Variants in NKAIN2 observed in about 807,000 individuals in gnomAD.
NKAIN2 encodes sodium/potassium-transporting ATPase subunit beta-1-interacting protein 2.
In NKAIN2, 14 loss-of-function variants were observed where a neutral mutation model predicts 32.6. That is an observed-to-expected ratio of 0.43 (90% CI 0.28 to 0.67). NKAIN2 has a LOEUF of 0.67. Among genes scored for constraint, NKAIN2 ranks in the 30% least tolerant of loss-of-function variants. NKAIN2 has a pLI of 0.17. For missense variants in NKAIN2, 198 were observed against 258.3 expected (o/e 0.77, Z 1.60); for synonymous variants, 80 against 87.2 (o/e 0.92, Z 0.46).
chr6:124,536,656 T>C (rs1045166160), intron 3 of NKAIN2, among the ~76,000 whole-genome samples: 6 of 152,182 alleles, frequency 3.9e-5, no homozygotes, highest in African/African-American at 1.4e-4. Flanking sequence ...GGGTGTTTCA[T>C]GCACTTCAAG....
intron 1 of NKAIN2, among the ~76,000 whole-genome samples, chr6:123,972,790 C>T (rs1169388170): frequency 1.3e-5 from 2 of 152,024 alleles, no homozygotes; most frequent in African/African-American, 4.8e-5. Flanking sequence ...GGAATAGATT[C>T]CCTTTCCTCC....
At chr6:124,281,995 CAG>C (rs1244280284) in intron 1 of NKAIN2, among the ~76,000 whole-genome samples, 1 of 152,104 alleles carries the variant, frequency 6.6e-6, no homozygotes, top group Non-Finnish European at 1.5e-5. Flanking sequence ...TTTCTCTGAA[CAG>C]AGAGTTTATT....
rs568598152 is a variant in NKAIN2 at position 123,959,508 on chromosome 6, T to C, written c.54+155254T>C. Reference sequence around the variant, plus strand: ...TGGTTGTTGTAAAAACAATTCTTTATGTGTCCTTGAACATGATACTTCTTC... The same window carrying C: ...TGGTTGTTGTAAAAACAATTCTTTACGTGTCCTTGAACATGATACTTCTTC... On this transcript the variant is annotated intron_variant, in intron 1 of 6. Transcript: ENST00000368417. Among the ~76,000 whole-genome samples, 5 of 152,346 alleles carry C rather than the reference T, an allele frequency of 3.3e-5. No homozygotes were observed. In the East Asian group the frequency reaches 7.7e-4, roughly 24 times the overall value.
At chr6:124,092,823 C>G (rs1784491502) in intron 1 of NKAIN2, among the ~76,000 whole-genome samples, 2 of 152,106 alleles carry the variant, frequency 1.3e-5, no homozygotes, top group African/African-American at 4.8e-5. Context: ...AAAAACATCA[C>G]CTGAATAGGG....
chr6:124,513,749 A>T (rs914163031), intron 3 of NKAIN2, among the ~76,000 whole-genome samples: 1 of 152,176 alleles, frequency 6.6e-6, no homozygotes, highest in African/African-American at 2.4e-5. Context: ...AAAGCTGAGA[A>T]CCATTTCTGC....
At chr6:124,030,513 A>T (rs1175099288) in intron 1 of NKAIN2, among the ~76,000 whole-genome samples, 3 of 152,188 alleles carry the variant, frequency 2.0e-5, no homozygotes, top group Non-Finnish European at 2.9e-5. Flanking sequence ...ATGCAAAATC[A>T]TCAGGACAAT....
In NKAIN2 at chr6:124,312,525, A is replaced by G. The variant is rs539698174; in HGVS notation, c.192+29383A>G. Among the ~76,000 whole-genome samples the G allele has an allele frequency of 5.9e-5, 9 of 152,300 alleles. No individual in the cohort carries two copies. The South Asian group carries it at 1.9e-3, about 32-fold the overall frequency. On this transcript the variant is annotated intron_variant, in intron 2 of 6. Transcript: ENST00000368417. The stretch of plus-strand genomic sequence containing the variant: ...TTTACCAGTTTATTATAAAAAGAAT[A>G]TTACAAAGAATACAGATGAAGAGAT...
chr6:124,806,758 G>A (rs932908308), intron 5 of NKAIN2, among the ~76,000 whole-genome samples: 1 of 150,998 alleles, frequency 6.6e-6, no homozygotes, highest in African/African-American at 2.4e-5. Flanking sequence ...CACATGCAGA[G>A]ACACACATAG....
intron 3 of NKAIN2, among the ~76,000 whole-genome samples, chr6:124,485,726 A>G (rs560581888): frequency 2.0e-5 from 3 of 152,222 alleles, no homozygotes; most frequent in Non-Finnish European, 4.4e-5. Context: ...ATAAAGCTCT[A>G]CCAGTGTGCA....
chr6:124,408,076 A>T (rs1773953950), intron 3 of NKAIN2, among the ~76,000 whole-genome samples: 3 of 151,830 alleles, frequency 2.0e-5, no homozygotes, highest in South Asian at 2.1e-4. Context: ...GTTTGAGTTC[A>T]TTGTAGATTC....
In NKAIN2 at chr6:124,383,043, AT is replaced by A. The variant is rs1319699705; in HGVS notation, c.273+27702del. 2.0e-5 allele frequency among the ~76,000 whole-genome samples: 3 copies of A among 152,022 alleles called. No individual in the cohort carries two copies. The East Asian group carries it at 5.8e-4, about 30-fold the overall frequency. On this transcript the variant is annotated intron_variant, in intron 3 of 6. Transcript: ENST00000368417. ...CAGGAAAGCAAGCATAGCGGTTAGC[AT>A]TTTTTCTGTACTGCTTCACTTTAAT...
chr6:124,186,228 AAGAG>A (rs1384786778), intron 1 of NKAIN2, among the ~76,000 whole-genome samples: 5 of 150,586 alleles, frequency 3.3e-5, no homozygotes, highest in African/African-American at 7.4e-5. Flanking sequence ...GAAGGAAGGA[AAGAG>A]AGAGAAAGGA....
At chr6:124,545,731 TTGA>T (rs1251707051) in intron 3 of NKAIN2, among the ~76,000 whole-genome samples, 1 of 152,028 alleles carries the variant, frequency 6.6e-6, no homozygotes, top group African/African-American at 2.4e-5. Context: ...ACTACTTTAC[TTGA>T]TGACACCGAT....
chr6:124,765,027 T>C (rs1190671109), intron 4 of NKAIN2, among the ~76,000 whole-genome samples: 2 of 152,190 alleles, frequency 1.3e-5, no homozygotes, highest in Non-Finnish European at 2.9e-5. Flanking sequence ...TTGTTTCCAC[T>C]TAAGCAATCT....
chr6:124,726,464 G>T (rs929181076), intron 4 of NKAIN2, among the ~76,000 whole-genome samples: 11 of 151,848 alleles, frequency 7.2e-5, no homozygotes, highest in Non-Finnish European at 1.3e-4. Context: ...ACCTCACACG[G>T]CAGGGTATTC....
chr6:123,833,876 C>T (rs1256828785), intron 1 of NKAIN2, among the ~76,000 whole-genome samples: 6 of 150,568 alleles, frequency 4.0e-5, no homozygotes, highest in Admixed American at 6.6e-5. Context: ...TACAGGTGTG[C>T]GCCACCATGC....
chr6:124,143,789 G>A (rs1406367364), intron 1 of NKAIN2, among the ~76,000 whole-genome samples: 1 of 152,070 alleles, frequency 6.6e-6, no homozygotes, highest in African/African-American at 2.4e-5. Flanking sequence ...TTCATAAAAT[G>A]TATATACCTA....
chr6:124,696,730 G>A (rs1383875893), intron 4 of NKAIN2, among the ~76,000 whole-genome samples: 5 of 150,860 alleles, frequency 3.3e-5, no homozygotes, highest in Non-Finnish European at 5.9e-5. Flanking sequence ...TGTTTTCTGC[G>A]CTTGATTGTA....
At chr6:124,379,262 G>GAA (rs1800150338) in intron 3 of NKAIN2, among the ~76,000 whole-genome samples, 2 of 141,186 alleles carry the variant, frequency 1.4e-5, no homozygotes, top group South Asian at 2.4e-4. Flanking sequence ...GAAGGGAGGA[G>GAA]AGGAGAGAAA....
Sources: allele counts gnomAD v4.1 joint callset (sites outside exome capture counted in the v4.1 genomes callset), GRCh38; gene constraint gnomAD v4.1.1; transcripts MANE v1.5; gene names NCBI Gene and HGNC (gene_info 2026-07-23, HGNC 2026-07-21).